Variants in XPNPEP1 observed in about 807,000 individuals in gnomAD.
The protein encoded by XPNPEP1 is xaa-Pro aminopeptidase 1.
A neutral mutation model predicts 92.4 loss-of-function variants in XPNPEP1; 39 were observed. The observed-to-expected ratio is 0.42, with a 90% CI of 0.33 to 0.55. The LOEUF is 0.55. Ranked by LOEUF, XPNPEP1 falls within the 20% of genes least tolerant of loss-of-function variation. The pLI is 0.08. For synonymous variants in XPNPEP1, 307 were observed against 299.4 expected, an observed-to-expected ratio of 1.03 and a Z score of -0.26; for missense variants, 654 against 856.1, an observed-to-expected ratio of 0.76 and a Z score of 2.95.
intron 1 of XPNPEP1, among the ~76,000 whole-genome samples, chr10:109,920,449 C>T (rs1423178702): frequency 1.3e-5 from 2 of 152,102 alleles, no homozygotes; most frequent in South Asian, 2.1e-4. Flanking sequence ...AGATTCTCAC[C>T]GAATTTCCCA....
chr10:109,885,327 A>T (rs1255567758), intron 8 of XPNPEP1, among the ~76,000 whole-genome samples: 1 of 152,216 alleles, frequency 6.6e-6, no homozygotes, highest in Non-Finnish European at 1.5e-5. Flanking sequence ...CTATAAAATG[A>T]TATATGCATA....
At chr10:109,869,756 A>G (rs996728038) in intron 19 of XPNPEP1, 197 bp downstream of exon 19, 4 of 515,950 alleles carry the variant, frequency 7.8e-6, no homozygotes, top group South Asian at 2.5e-5. Context: ...AGTCCCTGAT[A>G]TCTGGAGAAG....
Position 109,915,131 on chromosome 10 carries a change from C to T in XPNPEP1, c.33-32G>A, listed in dbSNP as rs1289897273. ...GAGAGAAAGAACAGGAAGTTGCAGA[C>T]TTTGACCACAATAAACGTGGCAAGG... is the stretch of plus-strand genomic sequence containing the variant. On this transcript the variant is annotated intron_variant, in intron 1 of 20. Coordinates refer to ENST00000502935, the MANE Select transcript of XPNPEP1 (RefSeq NM_020383.4). 2.8e-6 allele frequency: 4 copies of T among 1,407,332 alleles called. No individual in the cohort carries two copies. In the Admixed American group the frequency reaches 6.5e-5, roughly 23 times the overall value. 87.2% of individuals were successfully genotyped at this position (1,407,332 alleles called of 1,614,324 possible).
At chr10:109,870,302 A>G (rs1847383966) in intron 18 of XPNPEP1, among the ~76,000 whole-genome samples, 1 of 121,428 alleles carries the variant, frequency 8.2e-6, no homozygotes, top group South Asian at 2.6e-4. Context: ...TAAATAAATC[A>G]TGGTTCACAT....
chr10:109,923,144 C>T (rs903746686), intron 1 of XPNPEP1: 1 of 983,544 alleles, frequency 1.0e-6, no homozygotes, highest in Admixed American at 6.2e-5. Context: ...AGCAGTTCCG[C>T]GGGCATACGC....
chr10:109,886,172 T>C (rs1293277570), intron 8 of XPNPEP1, 74 bp downstream of exon 8: 5 of 1,486,840 alleles, frequency 3.4e-6, no homozygotes, highest in Non-Finnish European at 4.6e-6. Flanking sequence ...TTGAATGGCA[T>C]GAACACACAG....
chr10:109,880,136 G>C, intron 12 of XPNPEP1, 52 bp downstream of exon 12: 1 of 1,557,182 alleles, frequency 6.4e-7, no homozygotes, highest in South Asian at 1.1e-5. Context: ...ATCACATATA[G>C]GTAGGTCTGA....
At chr10:109,892,890 C>T in intron 4 of XPNPEP1, 122 bp downstream of exon 4, 1 of 952,224 alleles carries the variant, frequency 1.1e-6, no homozygotes, top group Non-Finnish European at 1.6e-6. Context: ...TGCAGAGAGT[C>T]AATGTGGAGC....
At chr10:109,888,226 G>A (rs557387851) in intron 6 of XPNPEP1, 34 bp from the exon 7 acceptor site, 109 of 1,600,596 alleles carry the variant, frequency 6.8e-5, no homozygotes, top group South Asian at 6.8e-4. Context: ...GCCATGAGCC[G>A]AACGCCCATT....
chr10:109,876,707 A>G (rs1296205283), intron 14 of XPNPEP1: 1 of 152,266 alleles, frequency 6.6e-6, no homozygotes, highest in Non-Finnish European at 1.5e-5. Flanking sequence ...TAAAAGGGGG[A>G]AAAAAGTGTG....
At chr10:109,877,719 T>C (rs1847859153) in intron 14 of XPNPEP1, 71 bp downstream of exon 14, 4 of 1,584,124 alleles carry the variant, frequency 2.5e-6, no homozygotes, top group Non-Finnish European at 8.7e-7. Flanking sequence ...GGTAAAATAA[T>C]GTCTCTCCCC....
chr10:109,888,239 A>T (rs1848506922), intron 6 of XPNPEP1, 47 bp from the exon 7 acceptor site: 2 of 1,593,864 alleles, frequency 1.3e-6, no homozygotes, highest in South Asian at 2.3e-5. Flanking sequence ...CGCCCATTGC[A>T]GCAGGGCAGG....
At chr10:109,900,951 A>G (rs1006959132) in intron 3 of XPNPEP1, among the ~76,000 whole-genome samples, 6 of 152,194 alleles carry the variant, frequency 3.9e-5, no homozygotes, top group East Asian at 1.9e-4. Context: ...CCAAAGGATT[A>G]TAAATCATGC....
chr10:109,884,300 T>A, intron 8 of XPNPEP1, 152 bp from the exon 9 acceptor site: 1 of 675,408 alleles, frequency 1.5e-6, no homozygotes, highest in Non-Finnish European at 2.5e-6. Flanking sequence ...GACTCCCGTC[T>A]GGTTCCACCT....
At chr10:109,883,528 C>T (rs752278533) in intron 9 of XPNPEP1, among the ~76,000 whole-genome samples, 36 of 152,110 alleles carry the variant, frequency 2.4e-4, no homozygotes, top group Non-Finnish European at 1.9e-4. Context: ...AGCCAAGGAC[C>T]CCGTCCTGTT....
chr10:109,915,959 A>G (rs1850163372), intron 1 of XPNPEP1, among the ~76,000 whole-genome samples: 1 of 152,204 alleles, frequency 6.6e-6, no homozygotes, highest in South Asian at 2.1e-4. Flanking sequence ...TCCAGGCCCT[A>G]TTCTGGACAC....
At chr10:109,866,933 T>G (rs1016164836) in intron 20 of XPNPEP1, among the ~76,000 whole-genome samples, 1 of 152,192 alleles carries the variant, frequency 6.6e-6, no homozygotes, top group African/African-American at 2.4e-5. Context: ...AGTAGACTGA[T>G]TCTCCTTCGA....
intron 1 of XPNPEP1, among the ~76,000 whole-genome samples, chr10:109,922,188 G>C (rs964383544): frequency 2.6e-5 from 4 of 152,186 alleles, no homozygotes; most frequent in Admixed American, 2.6e-4. Context: ...GGAGGCGCCT[G>C]TGGAAAATGG....
At chr10:109,913,529 C>T (rs12770124) in intron 2 of XPNPEP1, among the ~76,000 whole-genome samples, 15 of 152,214 alleles carry the variant, frequency 9.9e-5, no homozygotes, top group Non-Finnish European at 2.2e-4. Flanking sequence ...GCTTTACATA[C>T]ATTAGTGGCT....
Sources: gnomAD v4.1 joint callset for allele counts (sites outside exome capture counted in the v4.1 genomes callset) on GRCh38, gnomAD v4.1.1 for gene constraint, MANE v1.5 for transcripts, NCBI Gene and HGNC (gene_info 2026-07-23, HGNC 2026-07-21) for gene names.